Variants in GPC5 observed in about 807,000 individuals in gnomAD.
The protein encoded by GPC5 is glypican-5.
A neutral mutation model predicts 53.9 loss-of-function variants in GPC5; 47 were observed. The ratio of observed to expected loss-of-function variants is 0.87; its 90% CI spans 0.69 to 1.11. The LOEUF (loss-of-function observed/expected upper bound fraction) is 1.11. GPC5 is among the 50% of genes most tolerant of loss of function. GPC5 has a pLI of 0.00. For missense variants in GPC5, 748 were observed against 713.1 expected (o/e 1.05, Z -0.56); for synonymous variants, 286 against 263.3 (o/e 1.09, Z -0.84).
chr13:91,799,853 G>A (rs1476257573), intron 5 of GPC5, among the ~76,000 whole-genome samples: 1 of 152,018 alleles, frequency 6.6e-6, no homozygotes, highest in Non-Finnish European at 1.5e-5. Context: ...ACACAAACAT[G>A]AATATTATTG....
At chr13:91,406,524 C>G (rs1387208412) in intron 1 of GPC5, among the ~76,000 whole-genome samples, 2 of 152,134 alleles carry the variant, frequency 1.3e-5, no homozygotes, top group African/African-American at 4.8e-5. Flanking sequence ...CCATTTAAAG[C>G]CTACCTGCTT....
intron 7 of GPC5, among the ~76,000 whole-genome samples, chr13:92,824,298 C>T (rs1454331351): frequency 1.7e-4 from 26 of 152,084 alleles, no homozygotes; most frequent in Non-Finnish European, 1.0e-4. Context: ...GCTCAGCAGA[C>T]GACAGGAGTT....
In GPC5 at chr13:92,467,188, A is replaced by T. The variant is rs181855790; in HGVS notation, c.1561+322199A>T. On this transcript the variant is annotated intron_variant, in intron 7 of 7. Transcript: ENST00000377067. ...ACATCATAAGACTGCTTAGAGAGCTAATAAGGACCTGGAAATATTTCACCT... is the reference window on the plus strand; with the variant it reads ...ACATCATAAGACTGCTTAGAGAGCTTATAAGGACCTGGAAATATTTCACCT... 3.9e-5 allele frequency among the ~76,000 whole-genome samples: 6 copies of T among 152,228 alleles called. No homozygotes were observed. The East Asian group carries it at 9.7e-4, about 25-fold the overall frequency.
chr13:91,999,815 A>C lies in GPC5; in HGVS notation c.1401+91758A>C, dbSNP rs1291358582. The stretch of plus-strand genomic sequence containing the variant: ...AAAATGTAGATGTAACTCCTGCACT[A>C]TATTCTGTAGTGGCAACACTGGACA... On this transcript the variant is annotated intron_variant, in intron 6 of 7. Transcript: ENST00000377067. Among the ~76,000 whole-genome samples, 20 of 152,330 alleles carry C rather than the reference A, an allele frequency of 1.3e-4. No homozygotes were observed. The East Asian group carries it at 3.5e-3, about 26-fold the overall frequency.
chr13:92,709,759 G>C (rs552949378), intron 7 of GPC5, among the ~76,000 whole-genome samples: 12 of 152,262 alleles, frequency 7.9e-5, no homozygotes, highest in African/African-American at 2.9e-4. Context: ...AAGTCACATA[G>C]CTATGGGCAG....
chr13:92,273,580 T>A (rs1369320601), intron 7 of GPC5, among the ~76,000 whole-genome samples: 1 of 152,078 alleles, frequency 6.6e-6, no homozygotes, highest in African/African-American at 2.4e-5. Context: ...GTGATACTCT[T>A]ACCAAAACAA....
intron 7 of GPC5, among the ~76,000 whole-genome samples, chr13:92,598,921 G>C (rs1334638856): frequency 1.3e-5 from 2 of 152,156 alleles, no homozygotes; most frequent in African/African-American, 2.4e-5. Context: ...GTGTGAGACT[G>C]TCTGAAACAA....
chr13:91,410,564 T>C (rs1330198634), intron 1 of GPC5, among the ~76,000 whole-genome samples: 1 of 151,590 alleles, frequency 6.6e-6, no homozygotes, highest in Non-Finnish European at 1.5e-5. Context: ...GCCAGGATGG[T>C]CTCGATCTCC....
intron 7 of GPC5, among the ~76,000 whole-genome samples, chr13:92,407,982 C>T (rs1051709180): frequency 3.3e-5 from 5 of 152,148 alleles, no homozygotes; most frequent in Non-Finnish European, 5.9e-5. Flanking sequence ...GCATGTTAAA[C>T]CAGGGGTCCC....
chr13:92,393,280 TA>T (rs548136531), intron 7 of GPC5, among the ~76,000 whole-genome samples: 9 of 151,520 alleles, frequency 5.9e-5, no homozygotes, highest in Non-Finnish European at 1.2e-4. Flanking sequence ...CATTATTCTT[TA>T]AAAAAAAACT....
At chr13:91,963,648 T>G (rs1175636912) in intron 6 of GPC5, among the ~76,000 whole-genome samples, 1 of 152,138 alleles carries the variant, frequency 6.6e-6, no homozygotes, top group African/African-American at 2.4e-5. Flanking sequence ...ATGCACAGTT[T>G]GCAGGAACAG....
chr13:92,107,879 C>A (rs2041522321), intron 6 of GPC5, among the ~76,000 whole-genome samples: 1 of 152,192 alleles, frequency 6.6e-6, no homozygotes, highest in South Asian at 2.1e-4. Flanking sequence ...TCACCAGAGA[C>A]TCACCACAAA....
intron 7 of GPC5, among the ~76,000 whole-genome samples, chr13:92,816,182 G>A (rs1350355227): frequency 2.0e-5 from 3 of 152,010 alleles, no homozygotes; most frequent in East Asian, 1.9e-4. Flanking sequence ...CAATGTGTCT[G>A]TTATACATAA....
In GPC5 at chr13:91,827,103, A is replaced by G. The variant is rs187202295; in HGVS notation, c.1280+70683A>G. 3.1e-3 allele frequency among the ~76,000 whole-genome samples: 477 copies of G among 152,074 alleles called. 2 individuals are homozygous for G. The highest frequency in any genetic ancestry group is 0.014 in the Middle Eastern group (4 of 294). On this transcript the variant is annotated intron_variant, in intron 5 of 7. Transcript: ENST00000377067. The stretch of plus-strand genomic sequence containing the variant: ...GGAATGTTTCTAACACAAATAAATG[A>G]TAAATGCTTGTGGTGGAAGATATCC...
At chr13:91,399,249 G>A (rs756759926) in intron 1 of GPC5, 40 bp downstream of exon 1, 4 of 1,593,326 alleles carry the variant, frequency 2.5e-6, no homozygotes, top group South Asian at 1.1e-5. Context: ...GGCGGCGTCC[G>A]AGCCCGGCCT....
intron 6 of GPC5, among the ~76,000 whole-genome samples, chr13:91,958,389 T>C (rs1037218810): frequency 2.6e-5 from 4 of 152,152 alleles, no homozygotes; most frequent in South Asian, 4.1e-4. Flanking sequence ...ATTTAAAGTA[T>C]ATTATTAGTG....
At chr13:92,074,136 A>G (rs2041234692) in intron 6 of GPC5, among the ~76,000 whole-genome samples, 1 of 152,192 alleles carries the variant, frequency 6.6e-6, no homozygotes, top group Non-Finnish European at 1.5e-5. Flanking sequence ...TTGAGGACAC[A>G]AGTTTTGTGA....
At chr13:92,124,911 C>T (rs1401427238) in intron 6 of GPC5, among the ~76,000 whole-genome samples, 2 of 152,168 alleles carry the variant, frequency 1.3e-5, no homozygotes, top group Non-Finnish European at 2.9e-5. Flanking sequence ...CTTGTGTTAT[C>T]TCCCCTTCTG....
chr13:92,351,551 GAA>G (rs1047617893), intron 7 of GPC5, among the ~76,000 whole-genome samples: 2 of 151,262 alleles, frequency 1.3e-5, no homozygotes, highest in African/African-American at 4.9e-5. Flanking sequence ...TTGTAATTGA[GAA>G]AAAAAAGTTA....
Sources: gnomAD v4.1 joint callset for allele counts (sites outside exome capture counted in the v4.1 genomes callset) on GRCh38, gnomAD v4.1.1 for gene constraint, MANE v1.5 for transcripts, NCBI Gene and HGNC (gene_info 2026-07-23, HGNC 2026-07-21) for gene names.